MAGI1: variants seen among roughly 807,000 people sequenced by gnomAD.
MAGI1 encodes the protein membrane associated guanylate kinase, WW and PDZ domain containing 1, also known as membrane-associated guanylate kinase, WW and PDZ domain-containing protein 1.
Under a neutral mutation model 139.9 loss-of-function variants are expected in MAGI1, and 58 were observed. That is an observed-to-expected ratio of 0.41 (90% CI 0.34 to 0.52). The LOEUF (loss-of-function observed/expected upper bound fraction) is 0.52, where lower values mean the gene tolerates loss of function less well. Ranked by LOEUF, MAGI1 falls within the 20% of genes least tolerant of loss-of-function variation. The pLI, the probability that MAGI1 is intolerant of heterozygous loss-of-function variation, is 0.12. For missense variants in MAGI1, 1,874 were observed against 1,901.6 expected (o/e 0.99, Z 0.27); for synonymous variants, 812 against 737.9 (o/e 1.10, Z -1.63).
chr3:65,817,526 A>G (rs1478121273), intron 1 of MAGI1, among the ~76,000 whole-genome samples: 1 of 152,218 alleles, frequency 6.6e-6, no homozygotes, highest in Non-Finnish European at 1.5e-5. Context: ...CTGCCTGGAG[A>G]GGAAAAGCTA....
Position 65,454,844 on chromosome 3 carries a change from C to T in MAGI1, c.960-1504G>A, listed in dbSNP as rs187320528. 5.3e-5 allele frequency among the ~76,000 whole-genome samples: 8 copies of T among 152,164 alleles called. No individual in the cohort carries two copies. The East Asian group carries it at 1.5e-3, about 29-fold the overall frequency. On this transcript the variant is annotated intron_variant, in intron 5 of 22. Transcript: ENST00000402939. Reference sequence around the variant, plus strand: ...ATAGCAACCACCACCATCACCACCACGTATGACTGCCAGAATCTGTTCTTA... The same window carrying T: ...ATAGCAACCACCACCATCACCACCATGTATGACTGCCAGAATCTGTTCTTA...
chr3:65,709,098 G>C (rs775393069), intron 1 of MAGI1, among the ~76,000 whole-genome samples: 3 of 152,212 alleles, frequency 2.0e-5, no homozygotes, highest in Non-Finnish European at 4.4e-5. Flanking sequence ...AAGTTAGCCA[G>C]TGATTTTCAA....
intron 1 of MAGI1, among the ~76,000 whole-genome samples, chr3:65,877,089 C>A (rs753109037): frequency 2.6e-5 from 4 of 152,142 alleles, no homozygotes; most frequent in African/African-American, 9.7e-5. Context: ...AAAACAAAAA[C>A]CTTATCCAAG....
chr3:65,498,903 G>T, intron 2 of MAGI1: 1 of 581,298 alleles, frequency 1.7e-6, no homozygotes, highest in Non-Finnish European at 2.2e-6. Flanking sequence ...TACTGGCCTG[G>T]TCAGTACAGC....
chr3:65,492,861 G>A (rs547028151), intron 3 of MAGI1, among the ~76,000 whole-genome samples: 3 of 152,082 alleles, frequency 2.0e-5, no homozygotes, highest in South Asian at 2.1e-4. Flanking sequence ...GGCGGATCAC[G>A]AGGTCAGGAG....
intron 1 of MAGI1, among the ~76,000 whole-genome samples, chr3:65,916,874 T>C (rs1235789391): frequency 2.0e-5 from 3 of 152,126 alleles, no homozygotes; most frequent in Admixed American, 1.3e-4. Context: ...GAGAAGACAG[T>C]TGTCAGGGAT....
At chr3:65,837,305 T>G (rs536170502) in intron 1 of MAGI1, among the ~76,000 whole-genome samples, 6 of 152,282 alleles carry the variant, frequency 3.9e-5, no homozygotes, top group Non-Finnish European at 7.3e-5. Context: ...AGCAGCTGTC[T>G]GAACAACCCC....
At chr3:65,494,867 T>C (rs1952313158) in intron 2 of MAGI1, among the ~76,000 whole-genome samples, 1 of 152,190 alleles carries the variant, frequency 6.6e-6, no homozygotes, top group Non-Finnish European at 1.5e-5. Flanking sequence ...TCAGGCAAAA[T>C]GTATTTTTAG....
chr3:65,481,631 C>T (rs1021057166), intron 3 of MAGI1, among the ~76,000 whole-genome samples: 4 of 152,188 alleles, frequency 2.6e-5, no homozygotes, highest in African/African-American at 7.2e-5. Context: ...ACCCCTCCCT[C>T]GTAATTTTTA....
chr3:65,704,983 A>C (rs930358726), intron 1 of MAGI1, among the ~76,000 whole-genome samples: 3 of 152,046 alleles, frequency 2.0e-5, no homozygotes, highest in African/African-American at 7.2e-5. Context: ...AACCAATTAA[A>C]AATGGCTCTG....
intron 1 of MAGI1, among the ~76,000 whole-genome samples, chr3:66,026,359 C>T (rs1392389174): frequency 6.6e-6 from 1 of 152,108 alleles, no homozygotes; most frequent in Non-Finnish European, 1.5e-5. Context: ...AGACAACCAT[C>T]TTAAATCATC....
intron 1 of MAGI1, among the ~76,000 whole-genome samples, chr3:65,988,326 T>A (rs960485670): frequency 6.6e-6 from 1 of 152,174 alleles, no homozygotes; most frequent in Non-Finnish European, 1.5e-5. Flanking sequence ...ATAACTGTGC[T>A]GTTGACAATG....
chr3:65,784,296 G>A (rs2039198601), intron 1 of MAGI1, among the ~76,000 whole-genome samples: 1 of 152,192 alleles, frequency 6.6e-6, no homozygotes, highest in Non-Finnish European at 1.5e-5. Flanking sequence ...CTCTAGGTAT[G>A]CATACAAGAG....
chr3:66,014,807 A>C (rs2067533457), intron 1 of MAGI1, among the ~76,000 whole-genome samples: 2 of 152,216 alleles, frequency 1.3e-5, no homozygotes, highest in South Asian at 4.1e-4. Context: ...TGTTAACTTA[A>C]GACACTCTGG....
intron 18 of MAGI1, among the ~76,000 whole-genome samples, chr3:65,374,845 C>A (rs1942347130): frequency 6.6e-6 from 1 of 152,042 alleles, no homozygotes; most frequent in Non-Finnish European, 1.5e-5. Context: ...ATCACAAAAA[C>A]AAATAAGGAC....
chr3:65,557,135 T>C lies in MAGI1; in HGVS notation c.431-63504A>G, dbSNP rs75982873. On this transcript the variant is annotated intron_variant, in intron 2 of 22. Transcript: ENST00000402939. ...CCCCATTTCCTGGTATTCAGACTCT[T>C]GTGTATTGTCTTCCCACAGCGCACA... is the stretch of plus-strand genomic sequence containing the variant. Among the ~76,000 whole-genome samples, 34 of 152,346 alleles carry C rather than the reference T, an allele frequency of 2.2e-4. No individual in the cohort carries two copies. In the East Asian group the frequency reaches 6.4e-3, roughly 29 times the overall value.
intron 1 of MAGI1, among the ~76,000 whole-genome samples, chr3:65,931,174 A>C (rs976809948): frequency 1.3e-5 from 2 of 152,098 alleles, no homozygotes; most frequent in Non-Finnish European, 2.9e-5. Flanking sequence ...CTGAGACTAC[A>C]GGAGCGTGCC....
chr3:65,892,128 C>T (rs982525994), intron 1 of MAGI1, among the ~76,000 whole-genome samples: 4 of 151,578 alleles, frequency 2.6e-5, no homozygotes, highest in Non-Finnish European at 4.4e-5. Context: ...ATTCCCCATC[C>T]TTAATTATGT....
At chr3:65,788,658 G>T (rs76993451) in intron 1 of MAGI1, among the ~76,000 whole-genome samples, 1 of 152,168 alleles carries the variant, frequency 6.6e-6, no homozygotes, top group Non-Finnish European at 1.5e-5. Context: ...CTTCCAGTTT[G>T]CATTCTGTTT....
Sources: allele counts gnomAD v4.1 joint callset (sites outside exome capture counted in the v4.1 genomes callset), GRCh38; gene constraint gnomAD v4.1.1; transcripts MANE v1.5; gene names NCBI Gene and HGNC (gene_info 2026-07-23, HGNC 2026-07-21).